EYS: variants seen among roughly 807,000 people sequenced by gnomAD.
EYS encodes the protein protein eyes shut homolog.
In EYS, 250 loss-of-function variants were observed where a neutral mutation model predicts 282.1. That is an observed-to-expected ratio of 0.89 (90% CI 0.80 to 0.98). EYS has a LOEUF of 0.98. Ranked by LOEUF, EYS falls within the 50% of genes least tolerant of loss-of-function variation. The pLI is 0.00. For synonymous variants in EYS, 1,355 were observed against 1,282.9 expected (o/e 1.06, Z -1.20); for missense variants, 4,016 against 3,709.0 (o/e 1.08, Z -2.15).
chr6:65,496,061 G>A (rs914069335), intron 2 of EYS, 68 bp from the exon 3 acceptor site: 4 of 152,074 alleles, frequency 2.6e-5, no homozygotes, highest in African/African-American at 4.8e-5. Context: ...ATAAAAATAA[G>A]CCTTAAAATA....
chr6:64,236,445 G>A (rs13219407), intron 30 of EYS, among the ~76,000 whole-genome samples: 39,697 of 151,988 alleles, frequency 0.26, 5,611 homozygotes, highest in East Asian at 0.43. Flanking sequence ...ATGTAATTAG[G>A]AGTGGAATTG....
At chr6:64,342,808 C>T (rs1771179594) in intron 29 of EYS, among the ~76,000 whole-genome samples, 1 of 152,064 alleles carries the variant, frequency 6.6e-6, no homozygotes. Context: ...ATTCAGGAAA[C>T]CCATCTCACG....
chr6:64,390,156 C>A (rs1451571540), intron 28 of EYS, among the ~76,000 whole-genome samples: 2 of 152,244 alleles, frequency 1.3e-5, no homozygotes, highest in East Asian at 1.9e-4. Flanking sequence ...GCTAGCACAG[C>A]AGTCTGAGAT....
At position 65,443,000 on chromosome 6, in the gene EYS, A is replaced by G. The variant is rs545716531; in HGVS notation, c.863-37633T>C. On this transcript the variant is annotated intron_variant, in intron 5 of 42. Transcript: ENST00000503581. ...TATATACATATGTGCGTATATGTATATATGTACACATATCTGTAAATATAC... is the reference window on the plus strand; with the variant it reads ...TATATACATATGTGCGTATATGTATGTATGTACACATATCTGTAAATATAC... 3.3e-5 allele frequency among the ~76,000 whole-genome samples: 5 copies of G among 150,926 alleles called. No homozygotes were observed. In the East Asian group the frequency reaches 9.8e-4, roughly 30 times the overall value.
chr6:64,087,486 T>C (rs540215238), intron 31 of EYS, among the ~76,000 whole-genome samples: 5 of 152,146 alleles, frequency 3.3e-5, no homozygotes, highest in Admixed American at 2.0e-4. Context: ...GAAGACTAGA[T>C]AAAAAGGAAA....
At chr6:65,275,498 C>A (rs908831443) in intron 12 of EYS, among the ~76,000 whole-genome samples, 132 of 152,204 alleles carry the variant, frequency 8.7e-4, no homozygotes, top group Non-Finnish European at 2.6e-4. Flanking sequence ...GTTGCCACTT[C>A]TGCCACACTG....
At chr6:65,520,942 C>G (rs1029870252) in intron 2 of EYS, among the ~76,000 whole-genome samples, 1 of 152,042 alleles carries the variant, frequency 6.6e-6, no homozygotes, top group Non-Finnish European at 1.5e-5. Context: ...TAACAAACAT[C>G]TTCTCAAAAT....
chr6:65,524,560 C>T (rs778309058), intron 2 of EYS, among the ~76,000 whole-genome samples: 1 of 152,164 alleles, frequency 6.6e-6, no homozygotes, highest in Non-Finnish European at 1.5e-5. Context: ...GTACTGTAAC[C>T]AGCTCTTCAA....
intron 12 of EYS, among the ~76,000 whole-genome samples, chr6:65,141,645 GTCTGTCTATCTATCTATCTA>G (rs140110238): frequency 0.3 from 38,696 of 130,932 alleles, 5,288 homozygotes; most frequent in African/African-American, 0.38. Context: ...CTGTCTGTCT[GTCTGTCTATCTATCTATCTA>G]TCTATCTATC....
At chr6:65,241,360 T>G (rs1297296845) in intron 12 of EYS, among the ~76,000 whole-genome samples, 2 of 152,242 alleles carry the variant, frequency 1.3e-5, no homozygotes, top group East Asian at 3.9e-4. Context: ...TTTTCCATTG[T>G]GCCCCTGTGT....
intron 28 of EYS, among the ~76,000 whole-genome samples, chr6:64,391,339 T>G (rs1036420382): frequency 2.0e-5 from 3 of 151,742 alleles, no homozygotes; most frequent in African/African-American, 7.3e-5. Flanking sequence ...TCACCAAAGT[T>G]GAAATAAAGG....
intron 8 of EYS, among the ~76,000 whole-genome samples, chr6:65,364,927 G>C (rs931398613): frequency 6.6e-6 from 1 of 151,688 alleles, no homozygotes; most frequent in African/African-American, 2.4e-5. Flanking sequence ...GTGATAGTGT[G>C]TGTCAAACAT....
At chr6:65,099,003 A>C (rs1468940086) in intron 12 of EYS, among the ~76,000 whole-genome samples, 1 of 150,724 alleles carries the variant, frequency 6.6e-6, no homozygotes, top group African/African-American at 2.4e-5. Flanking sequence ...TGCAATGTAA[A>C]TGTTTAATCT....
intron 22 of EYS, among the ~76,000 whole-genome samples, chr6:64,747,200 A>T (rs912316228): frequency 2.0e-5 from 3 of 152,332 alleles, no homozygotes; most frequent in East Asian, 3.9e-4. Flanking sequence ...GGGTTATATC[A>T]TCTAGGTCCA....
intron 12 of EYS, among the ~76,000 whole-genome samples, chr6:65,240,226 C>T (rs1318014291): frequency 1.3e-5 from 2 of 152,090 alleles, no homozygotes; most frequent in African/African-American, 2.4e-5. Flanking sequence ...TCTTGGCCTC[C>T]CAAAGTGCTG....
At chr6:63,740,100 G>T (rs1769035299) in intron 41 of EYS, among the ~76,000 whole-genome samples, 1 of 152,152 alleles carries the variant, frequency 6.6e-6, no homozygotes, top group Non-Finnish European at 1.5e-5. Context: ...ATAACGAAGT[G>T]TAGTCCTAAT....
At position 65,461,975 on chromosome 6, in the gene EYS, G is replaced by A. The variant is rs190704148; in HGVS notation, c.862+28619C>T. 4.0e-3 allele frequency among the ~76,000 whole-genome samples: 613 copies of A among 152,128 alleles called. 4 individuals are homozygous for A. Among genetic ancestry groups the A allele is most frequent in the African/African-American group, 0.013 (549 of 41,504 alleles). On this transcript the variant is annotated intron_variant, in intron 5 of 42. Transcript: ENST00000503581. ...GAGAATGAAAACCTATTACTCTAGAGAATGAAACATTAATCGTATTCATGA... is the reference window on the plus strand; with the variant it reads ...GAGAATGAAAACCTATTACTCTAGAAAATGAAACATTAATCGTATTCATGA...
chr6:64,220,197 T>C (rs1466183351), intron 31 of EYS, among the ~76,000 whole-genome samples: 1 of 152,094 alleles, frequency 6.6e-6, no homozygotes, highest in Non-Finnish European at 1.5e-5. Flanking sequence ...AATAGAAATG[T>C]ATAGCAGTTT....
chr6:64,436,270 T>TG lies in EYS; in HGVS notation c.5836-6dup. On this transcript the variant is annotated splice_region_variant and splice_polypyrimidine_tract_variant and intron_variant, in intron 27 of 42. Coordinates refer to ENST00000503581, the MANE Select transcript of EYS (RefSeq NM_001142800.2). ...ACCAGGACAGTAAAAGTGGTACTGT[T>TG]GGGGGAAAAAATTTTGTCCTCAAAC... is the stretch of plus-strand genomic sequence containing the variant. The TG allele has an allele frequency of 6.6e-7, 1 of 1,523,456 alleles. No homozygotes were observed. The highest frequency in any genetic ancestry group is 8.9e-7 in the Non-Finnish European group (1 of 1,127,604). 94.4% of individuals were successfully genotyped at this position (1,523,456 alleles called of 1,614,324 possible).
Sources: allele counts gnomAD v4.1 joint callset (sites outside exome capture counted in the v4.1 genomes callset), GRCh38; gene constraint gnomAD v4.1.1; transcripts MANE v1.5; gene names NCBI Gene and HGNC (gene_info 2026-07-23, HGNC 2026-07-21).